CACNA1S: variants seen among roughly 807,000 people sequenced by gnomAD.
CACNA1S encodes the protein calcium voltage-gated channel subunit alpha1 S.
A neutral mutation model predicts 207.4 loss-of-function variants in CACNA1S; 126 were observed. The ratio of observed to expected loss-of-function variants is 0.61; its 90% CI spans 0.53 to 0.70. The LOEUF (loss-of-function observed/expected upper bound fraction) is 0.70. Ranked by LOEUF, CACNA1S falls within the 30% of genes least tolerant of loss-of-function variation. CACNA1S has a pLI of 0.00. For synonymous variants in CACNA1S, 960 were observed against 932.7 expected (o/e 1.03, Z -0.53); for missense variants, 2,349 against 2,422.8 (o/e 0.97, Z 0.64).
chr1:201,083,139 G>A (rs368005074), intron 10 of CACNA1S, 23 bp downstream of exon 10: 46 of 1,611,640 alleles, frequency 2.9e-5, no homozygotes, highest in South Asian at 7.7e-5. Context: ...CCCTCCTCCC[G>A]GCTTCACTCC....
intron 5 of CACNA1S, among the ~76,000 whole-genome samples, chr1:201,091,296 C>T (rs909783491): frequency 2.0e-5 from 3 of 152,162 alleles, no homozygotes; most frequent in African/African-American, 2.4e-5. Flanking sequence ...TAAAACTATG[C>T]GACAGGAAAT....
chr1:201,085,796 T>C (rs1662019245), intron 7 of CACNA1S, among the ~76,000 whole-genome samples: 1 of 152,050 alleles, frequency 6.6e-6, no homozygotes, highest in Non-Finnish European at 1.5e-5. Flanking sequence ...AGGAACATCC[T>C]GGAGTACTCC....
chr1:201,048,875 G>A, intron 35 of CACNA1S, 128 bp downstream of exon 35: 1 of 868,542 alleles, frequency 1.2e-6, no homozygotes, highest in East Asian at 2.6e-5. Flanking sequence ...GGCCCTTTGG[G>A]AGGAACTTGG....
At chr1:201,105,165 C>T (rs12022389) in intron 2 of CACNA1S, among the ~76,000 whole-genome samples, 33,615 of 152,054 alleles carry the variant, frequency 0.22, 4,339 homozygotes, top group East Asian at 0.48. Context: ...CAGGGACAAA[C>T]GATGGGCAGG....
In CACNA1S at chr1:201,078,052, C is replaced by T. The variant is rs1558072779; in HGVS notation, c.1446G>A (p.Lys482=). Residue 482 remains lysine, a synonymous_variant, in exon 11 of 44, where the codon AAG becomes AAA. Transcript: ENST00000362061. The part of the protein sequence containing the change: ...LSLFTTEMLM[K]MYGLGLRQYF... ...ACTGGCGCAGGCCCAGCCCGTACAT[C>T]TTCATCAGCATCTCAGTGGTGAAGA... 1 of 1,614,236 alleles carries T rather than the reference C, an allele frequency of 6.2e-7. No homozygotes were observed. The highest frequency in any genetic ancestry group is 1.1e-5 in the South Asian group (1 of 91,086).
Position 201,061,211 on chromosome 1 carries a change from C to A in CACNA1S, c.3255+56G>T, listed in dbSNP as rs1025807031. ...TCCCTGGCTGAACCTAGGGCTTGGG[C>A]CAGCAGGAGGCCTGCTGGAGCTCTG... On this transcript the variant is annotated intron_variant, in intron 25 of 43. Transcript: ENST00000362061. The A allele has an allele frequency of 5.3e-6, 8 of 1,518,138 alleles. No homozygotes were observed. The African/African-American group carries it at 9.6e-5, about 18-fold the overall frequency. The allele number at this position is 1,518,138 out of a possible 1,614,324, so 94.0% of individuals were successfully genotyped here.
chr1:201,058,137 C>T (rs1419740976), intron 28 of CACNA1S, among the ~76,000 whole-genome samples: 1 of 152,190 alleles, frequency 6.6e-6, no homozygotes, highest in Non-Finnish European at 1.5e-5. Flanking sequence ...CTTCTCTGAC[C>T]ACCCCACCCA....
chr1:201,048,996 T>G lies in CACNA1S; in HGVS notation c.4338+7A>C, dbSNP rs1265339539. On this transcript the variant is annotated splice_region_variant and intron_variant, in intron 35 of 43. Coordinates refer to ENST00000362061, the MANE Select transcript of CACNA1S (RefSeq NM_000069.3). ...TGGGGCCACCCATCCCTGGCAGCTC[T>G]GGTTACCTTACAAGCTACCCGATGT... The G allele has an allele frequency of 3.7e-6, 6 of 1,610,560 alleles. No homozygotes were observed. The highest frequency in any genetic ancestry group is 5.1e-6 in the Non-Finnish European group (6 of 1,177,154).
chr1:201,065,375 T>C (rs1005909940), intron 22 of CACNA1S, among the ~76,000 whole-genome samples: 3 of 152,222 alleles, frequency 2.0e-5, no homozygotes, highest in Non-Finnish European at 4.4e-5. Context: ...TCTTAAAAGT[T>C]TGATTTAGGA....
intron 10 of CACNA1S, among the ~76,000 whole-genome samples, chr1:201,079,867 T>C (rs1449018150): frequency 6.6e-6 from 1 of 152,134 alleles, no homozygotes; most frequent in Non-Finnish European, 1.5e-5. Context: ...TATAGTAAGT[T>C]TCCCCAACAA....
chr1:201,111,918 T>TTTC (rs1663118342), intron 1 of CACNA1S, among the ~76,000 whole-genome samples: 1 of 53,172 alleles, frequency 1.9e-5, no homozygotes, highest in Admixed American at 2.0e-4. Context: ...TCTCTTCCTC[T>TTTC]TCCTCCTCCT....
At chr1:201,079,230 T>G (rs1661754894) in intron 10 of CACNA1S, among the ~76,000 whole-genome samples, 1 of 151,956 alleles carries the variant, frequency 6.6e-6, no homozygotes, top group East Asian at 1.9e-4. Flanking sequence ...TATATTGCTC[T>G]CTTCACTTCT....
rs1662236680 is a variant in CACNA1S at position 201,091,649 on chromosome 1, T to C, written c.685A>G (p.Ile229Val). Residue 229 changes from isoleucine to valine, a missense_variant, in exon 5 of 44, where the codon ATT becomes GTT. By Grantham distance (29) the Ile-to-Val change is conservative (BLOSUM62 3). Coordinates refer to ENST00000362061, the MANE Select transcript of CACNA1S (RefSeq NM_000069.3). ...TTCCCTGGGAGCTCACCTGTACCAA[T>C]GAAGTAGCAGGTCTTGTGCATCTTG... ...KGKMHKTCYFIGTDIVATVEN... is the reference protein window; with the variant it reads ...KGKMHKTCYFVGTDIVATVEN... The C allele has an allele frequency of 6.2e-7, 1 of 1,614,102 alleles. No individual in the cohort carries two copies. Among genetic ancestry groups the C allele is most frequent in the Non-Finnish European group, 8.5e-7 (1 of 1,179,968 alleles).
At chr1:201,065,191 T>G (rs914659528) in intron 22 of CACNA1S, among the ~76,000 whole-genome samples, 3 of 152,264 alleles carry the variant, frequency 2.0e-5, no homozygotes, top group Non-Finnish European at 4.4e-5. Flanking sequence ...TTGCCACATA[T>G]TAGCCTTAAA....
intron 14 of CACNA1S, 53 bp from the exon 15 acceptor site, chr1:201,073,695 G>T (rs1297197131): frequency 7.2e-7 from 1 of 1,393,530 alleles, no homozygotes; most frequent in Non-Finnish European, 1.0e-6. Flanking sequence ...TCAGGGATCT[G>T]CTGAACCTGA....
At chr1:201,065,526 C>G (rs148416098) in intron 22 of CACNA1S, among the ~76,000 whole-genome samples, 1 of 152,278 alleles carries the variant, frequency 6.6e-6, no homozygotes, top group Non-Finnish European at 1.5e-5. Flanking sequence ...ATTTAAATTT[C>G]AACTCAGTAG....
Position 201,100,303 on chromosome 1 carries a change from T to C in CACNA1S, c.259-6282A>G, listed in dbSNP as rs116310143. On this transcript the variant is annotated intron_variant, in intron 2 of 43. Transcript: ENST00000362061. ...GGTGTCTGCTAAAGGCAAGGAGGCG[T>C]TGCCTGCTGTGACTGAAGCAACAGC... Among the ~76,000 whole-genome samples the C allele has an allele frequency of 3.9e-3, 591 of 152,330 alleles. 5 individuals carry two copies. The highest frequency in any genetic ancestry group is 0.014 in the African/African-American group (571 of 41,572).
chr1:201,099,300 G>A (rs999220300), intron 2 of CACNA1S, among the ~76,000 whole-genome samples: 1 of 152,154 alleles, frequency 6.6e-6, no homozygotes, highest in Non-Finnish European at 1.5e-5. Flanking sequence ...AGGCTCCCAG[G>A]CTCCCCATGT....
At chr1:201,062,222 C>A (rs985270719) in intron 23 of CACNA1S, 132 bp from the exon 24 acceptor site, 1 of 1,198,160 alleles carries the variant, frequency 8.3e-7, no homozygotes, top group African/African-American at 1.5e-5. Context: ...GGGGACACCG[C>A]TGGGCGAGTC....
Sources: allele counts gnomAD v4.1 joint callset (sites outside exome capture counted in the v4.1 genomes callset), GRCh38; gene constraint gnomAD v4.1.1; transcripts MANE v1.5; gene names NCBI Gene and HGNC (gene_info 2026-07-23, HGNC 2026-07-21).